SCN10A: variants seen among roughly 807,000 people sequenced by gnomAD.
SCN10A encodes the protein sodium voltage-gated channel alpha subunit 10, also known as sodium channel protein type 10 subunit alpha.
SCN10A carries 162 observed loss-of-function variants against 170.7 expected under a neutral mutation model. The observed-to-expected ratio is 0.95, with a 90% CI of 0.84 to 1.08. The LOEUF is 1.08. Ranked by LOEUF, SCN10A falls within the 50% of genes least tolerant of loss-of-function variation. The probability of loss-of-function intolerance (pLI) is 0.00; values close to 1 mark genes in which losing one functional copy is unlikely to be tolerated. For missense variants in SCN10A, 2,527 were observed against 2,436.9 expected (o/e 1.04, Z -0.78); for synonymous variants, 985 against 904.6 (o/e 1.09, Z -1.59).
intron 11 of SCN10A, 144 bp from the exon 12 acceptor site, chr3:38,752,656 G>A (rs1243457338): frequency 1.6e-5 from 9 of 578,250 alleles, no homozygotes; most frequent in Non-Finnish European, 2.3e-5. Flanking sequence ...CAAATCTAAG[G>A]GGTATTCTAG....
intron 6 of SCN10A, 25 bp downstream of exon 6, chr3:38,763,480 A>G (rs377243610): frequency 4.9e-5 from 77 of 1,574,604 alleles, no homozygotes; most frequent in Non-Finnish European, 6.2e-5. Context: ...GAAAACCAAC[A>G]TATGCTCTGT....
At chr3:38,728,288 C>A (rs1054482867) in intron 16 of SCN10A, among the ~76,000 whole-genome samples, 1 of 151,320 alleles carries the variant, frequency 6.6e-6, no homozygotes, top group African/African-American at 2.4e-5. Flanking sequence ...GGTCACCCAC[C>A]TAGTAAATGG....
chr3:38,699,204 T>C (rs894713927), intron 27 of SCN10A, among the ~76,000 whole-genome samples: 1 of 151,856 alleles, frequency 6.6e-6, no homozygotes, highest in Non-Finnish European at 1.5e-5. Context: ...ATTTGTTTTT[T>C]TTTTTTTTTT....
chr3:38,718,506 C>A (rs185913998), intron 21 of SCN10A, 147 bp downstream of exon 21: 101 of 717,314 alleles, frequency 1.4e-4, no homozygotes, highest in Non-Finnish European at 1.2e-4. Context: ...GGTGTCAGGG[C>A]TATTCTCAGA....
At chr3:38,742,581 C>CGCAGAATTGGGGT in intron 13 of SCN10A, 52 bp from the exon 14 acceptor site, 1 of 1,406,116 alleles carries the variant, frequency 7.1e-7, no homozygotes, top group Non-Finnish European at 1.0e-6. Context: ...CACCTTGGAC[C>CGCAGAATTGGGGT]CCAATTCTGC....
chr3:38,721,545 C>T (rs887393881), intron 20 of SCN10A, among the ~76,000 whole-genome samples: 3 of 152,156 alleles, frequency 2.0e-5, no homozygotes, highest in African/African-American at 7.2e-5. Context: ...CTCTACAAAG[C>T]CCAGTATTCA....
chr3:38,800,613 T>C (rs751067516), intron 1 of SCN10A, among the ~76,000 whole-genome samples: 2 of 152,068 alleles, frequency 1.3e-5, no homozygotes, highest in Non-Finnish European at 2.9e-5. Flanking sequence ...GTGGCAGGTA[T>C]TCTTATTCGT....
intron 1 of SCN10A, among the ~76,000 whole-genome samples, chr3:38,800,459 G>A (rs765717381): frequency 2.9e-4 from 44 of 152,312 alleles, no homozygotes; most frequent in Non-Finnish European, 5.0e-4. Flanking sequence ...CTCTGCAACT[G>A]TGAGGTGAAA....
chr3:38,736,962 C>CGTTTT (rs2063567749), intron 15 of SCN10A, among the ~76,000 whole-genome samples: 2 of 69,254 alleles, frequency 2.9e-5, no homozygotes, highest in African/African-American at 5.2e-5. Flanking sequence ...CAGAAATGTT[C>CGTTTT]GTTTTTTTTT....
intron 15 of SCN10A, among the ~76,000 whole-genome samples, chr3:38,730,586 A>G (rs2063504345): frequency 6.6e-6 from 1 of 152,232 alleles, no homozygotes; most frequent in Non-Finnish European, 1.5e-5. Flanking sequence ...AGTCAGAGAT[A>G]ACAGTATAAT....
intron 4 of SCN10A, among the ~76,000 whole-genome samples, chr3:38,776,602 T>A (rs1316056323): frequency 6.6e-6 from 1 of 152,112 alleles, no homozygotes; most frequent in East Asian, 1.9e-4. Context: ...TCTATGAATA[T>A]AATAATTAAT....
Position 38,697,601 on chromosome 3 carries a change from G to C in SCN10A, c.5619C>G (p.Leu1873=). The C allele has an allele frequency of 6.2e-7, 1 of 1,614,216 alleles. No individual in the cohort carries two copies. Among genetic ancestry groups the C allele is most frequent in the Non-Finnish European group, 8.5e-7 (1 of 1,180,046 alleles). ...RSYVLHRSMA[L]SNTPCVPRAE... The stretch of plus-strand genomic sequence containing the variant: ...CTCTGGGCACACATGGGGTGTTAGA[G>C]AGTGCCATGGAGCGGTGCAGCACAT... The change falls in exon 28 of 28, where the codon CTC becomes CTG. Residue 1873 remains leucine (L), a synonymous_variant. Coordinates refer to ENST00000449082, the MANE Select transcript of SCN10A (RefSeq NM_006514.4).
chr3:38,731,047 A>T (rs1024042802), intron 15 of SCN10A, among the ~76,000 whole-genome samples: 1 of 152,256 alleles, frequency 6.6e-6, no homozygotes. Flanking sequence ...AATGGAAAGA[A>T]GTCCACACCT....
At chr3:38,756,959 C>A (rs1019725379) in intron 9 of SCN10A, 59 bp downstream of exon 9, 1 of 1,604,974 alleles carries the variant, frequency 6.2e-7, no homozygotes, top group Non-Finnish European at 8.5e-7. Flanking sequence ...AAAAGCACAG[C>A]CATGCAGCTG....
At chr3:38,785,737 A>C (rs1049017880) in intron 4 of SCN10A, among the ~76,000 whole-genome samples, 4 of 152,206 alleles carry the variant, frequency 2.6e-5, no homozygotes, top group African/African-American at 4.8e-5. Flanking sequence ...TATCAATCTG[A>C]CAAAGGGCTA....
rs764476034 is a variant in SCN10A, at chr3:38,698,494, G to A, written c.4726C>T (p.Arg1576Cys). Residue 1576 changes from arginine to cysteine, a missense_variant, in exon 28 of 28, where the codon CGC becomes TGC. By Grantham distance (180) the Arg-to-Cys change is radical (BLOSUM62 -3). Coordinates refer to ENST00000449082, the MANE Select transcript of SCN10A (RefSeq NM_006514.4). Reference sequence around the variant, plus strand: ...AGGATGCGGCCAATTCGGGCCAGGCGGATGACTCTGAAGAGCGTTGGGGAG... The same window carrying A: ...AGGATGCGGCCAATTCGGGCCAGGCAGATGACTCTGAAGAGCGTTGGGGAG... ...YFSPTLFRVI[R>C]LARIGRILRL... The A allele has an allele frequency of 1.5e-5, 24 of 1,614,042 alleles. No homozygotes were observed. The highest frequency in any genetic ancestry group is 5.3e-5 in the African/African-American group (4 of 74,922).
intron 4 of SCN10A, among the ~76,000 whole-genome samples, chr3:38,773,628 A>G (rs1197998603): frequency 6.6e-6 from 1 of 152,244 alleles, no homozygotes; most frequent in South Asian, 2.1e-4. Context: ...AATCCTTATT[A>G]ACTCCAAGGA....
At position 38,761,191 on chromosome 3, in the gene SCN10A, C is replaced by T. The variant is rs757136675; in HGVS notation, c.883+1G>A. 1.7e-5 allele frequency: 28 copies of T among 1,600,814 alleles called. No individual in the cohort carries two copies. The East Asian group carries it at 3.6e-4, about 20-fold the overall frequency. On this transcript the variant is annotated splice_donor_variant, in intron 7 of 27. Coordinates refer to ENST00000449082, the MANE Select transcript of SCN10A (RefSeq NM_006514.4). LOFTEE classifies it high-confidence loss of function. ...GTCCCTATGGAAGAGACTCCACTCA[C>T]GTTTTCTGTGAGATGAGTAGTTGGT...
In SCN10A at chr3:38,722,391, C is replaced by T; in HGVS notation, c.3374G>A (p.Cys1125Tyr). Residue 1125 changes from cysteine to tyrosine, a missense_variant, in exon 20 of 28, where the codon TGC becomes TAC. By Grantham distance (194) the Cys-to-Tyr change is radical. Coordinates refer to ENST00000449082, the MANE Select transcript of SCN10A (RefSeq NM_006514.4). Reference protein sequence around the residue: ...FTEGCIRHCPCCKLDTTKSPW... With the variant: ...FTEGCIRHCPYCKLDTTKSPW... Reference sequence around the variant, plus strand: ...ACTCTTGGTGGTATCCAGTTTGCAGCAGGGACAGTGGCGAATGCATCCTGT... The same window carrying T: ...ACTCTTGGTGGTATCCAGTTTGCAGTAGGGACAGTGGCGAATGCATCCTGT... The T allele has an allele frequency of 6.2e-7, 1 of 1,613,960 alleles. No homozygotes were observed. The highest frequency in any genetic ancestry group is 8.5e-7 in the Non-Finnish European group (1 of 1,179,914).
Sources: allele counts gnomAD v4.1 joint callset (sites outside exome capture counted in the v4.1 genomes callset), GRCh38; gene constraint gnomAD v4.1.1; transcripts MANE v1.5; gene names NCBI Gene and HGNC (gene_info 2026-07-23, HGNC 2026-07-21).